NRG1: variants seen among roughly 807,000 people sequenced by gnomAD.
NRG1 encodes the protein neuregulin 1.
In NRG1, 18 loss-of-function variants were observed where a neutral mutation model predicts 63.8. The observed-to-expected ratio is 0.28, with a 90% CI of 0.19 to 0.42. The LOEUF (loss-of-function observed/expected upper bound fraction) is 0.42. NRG1 is among the 10% of genes least tolerant of loss of function. The pLI is 1.00. For missense variants in NRG1, 762 were observed against 814.7 expected (o/e 0.94, Z 0.79); for synonymous variants, 302 against 301.3 (o/e 1.00, Z -0.02).
At chr8:32,227,176 G>A (rs1383966) in intron 1 of NRG1, among the ~76,000 whole-genome samples, 2 of 152,026 alleles carry the variant, frequency 1.3e-5, no homozygotes, top group Non-Finnish European at 2.9e-5. Context: ...TCACAGGATT[G>A]TGCTTTCTTC....
intron 1 of NRG1, among the ~76,000 whole-genome samples, chr8:31,936,984 TA>T: frequency 6.6e-6 from 1 of 152,192 alleles, no homozygotes; most frequent in Non-Finnish European, 1.5e-5. Flanking sequence ...CTTTTAAAAG[TA>T]AAAAAAGCAT....
At chr8:31,762,949 A>G (rs73673306) in intron 1 of NRG1, among the ~76,000 whole-genome samples, 33,117 of 152,124 alleles carry the variant, frequency 0.22, 3,833 homozygotes, top group African/African-American at 0.29. Context: ...GTAATAAAAC[A>G]TTAGAAAATT....
chr8:31,661,608 C>A (rs909803357), intron 1 of NRG1, among the ~76,000 whole-genome samples: 1 of 152,152 alleles, frequency 6.6e-6, no homozygotes, highest in Non-Finnish European at 1.5e-5. Flanking sequence ...CAAATGCACT[C>A]TAAATAATTA....
chr8:31,680,076 T>A (rs1178353785), intron 1 of NRG1, among the ~76,000 whole-genome samples: 1 of 152,036 alleles, frequency 6.6e-6, no homozygotes, highest in Admixed American at 6.6e-5. Context: ...TAAATCATAG[T>A]TCTGAGTAGA....
chr8:32,702,253 C>T (rs552453717), intron 5 of NRG1, among the ~76,000 whole-genome samples: 1 of 152,302 alleles, frequency 6.6e-6, no homozygotes. Context: ...GGACATCACT[C>T]TCATGTATTT....
At chr8:32,671,620 C>A (rs1185724380) in intron 5 of NRG1, among the ~76,000 whole-genome samples, 2 of 152,052 alleles carry the variant, frequency 1.3e-5, no homozygotes, top group African/African-American at 4.8e-5. Flanking sequence ...TTTCTTCCAC[C>A]TTTTTCTTGT....
chr8:32,175,235 T>C (rs1318441984), intron 1 of NRG1, among the ~76,000 whole-genome samples: 2 of 152,118 alleles, frequency 1.3e-5, no homozygotes, highest in Non-Finnish European at 2.9e-5. Flanking sequence ...AAAAACCATA[T>C]TACTATCTCA....
intron 1 of NRG1, among the ~76,000 whole-genome samples, chr8:32,454,349 T>A (rs1051145708): frequency 1.3e-5 from 2 of 152,184 alleles, no homozygotes; most frequent in African/African-American, 4.8e-5. Flanking sequence ...AAAAACAGTA[T>A]AATAGGATTG....
intron 1 of NRG1, among the ~76,000 whole-genome samples, chr8:32,558,620 G>A (rs539258606): frequency 6.6e-6 from 1 of 152,168 alleles, no homozygotes; most frequent in Admixed American, 6.5e-5. Flanking sequence ...CTCTATGAAA[G>A]AGGCAACCAA....
chr8:32,179,187 TAAAA>T (rs35411561), intron 1 of NRG1, among the ~76,000 whole-genome samples: 23 of 66,512 alleles, frequency 3.5e-4, no homozygotes, highest in South Asian at 1.5e-3. Flanking sequence ...CTCACAGTCA[TAAAA>T]AAAAAAAAAA....
At chr8:32,389,921 A>G (rs1811511222) in intron 1 of NRG1, among the ~76,000 whole-genome samples, 1 of 151,908 alleles carries the variant, frequency 6.6e-6, no homozygotes, top group Admixed American at 6.6e-5. Flanking sequence ...CACCATGCCC[A>G]GCCAATTTTT....
chr8:32,364,633 C>T (rs1390507978), intron 1 of NRG1, among the ~76,000 whole-genome samples: 10 of 151,988 alleles, frequency 6.6e-5, no homozygotes, highest in Admixed American at 6.6e-4. Context: ...TGATAAACAT[C>T]CTTGTACTTG....
At chr8:31,850,520 A>C (rs1247905237) in intron 1 of NRG1, among the ~76,000 whole-genome samples, 4 of 152,162 alleles carry the variant, frequency 2.6e-5, no homozygotes, top group Non-Finnish European at 4.4e-5. Flanking sequence ...TGGCTACACA[A>C]ATGGATGTCT....
At chr8:31,698,905 G>A (rs755006541) in intron 1 of NRG1, among the ~76,000 whole-genome samples, 1 of 152,140 alleles carries the variant, frequency 6.6e-6, no homozygotes, top group Non-Finnish European at 1.5e-5. Flanking sequence ...AAAGATTTAT[G>A]AACACAAAAG....
chr8:32,164,865 A>C (rs899686962), intron 1 of NRG1, among the ~76,000 whole-genome samples: 4 of 152,108 alleles, frequency 2.6e-5, no homozygotes, highest in African/African-American at 9.7e-5. Context: ...TGTCTCTCAG[A>C]GGTTATTATA....
intron 1 of NRG1, among the ~76,000 whole-genome samples, chr8:31,866,639 T>G (rs1160392231): frequency 6.6e-6 from 1 of 152,136 alleles, no homozygotes; most frequent in East Asian, 1.9e-4. Context: ...ATTGTGTATA[T>G]TTTTGAACAT....
intron 2 of NRG1, among the ~76,000 whole-genome samples, chr8:32,597,631 T>G (rs957485550): frequency 6.6e-6 from 1 of 152,110 alleles, no homozygotes; most frequent in Non-Finnish European, 1.5e-5. Context: ...TTTTGCAGAT[T>G]AGGAAATTGA....
At chr8:32,554,544 C>G (rs1354338383) in intron 1 of NRG1, among the ~76,000 whole-genome samples, 1 of 152,184 alleles carries the variant, frequency 6.6e-6, no homozygotes, top group Non-Finnish European at 1.5e-5. Flanking sequence ...ATGTTCTCAT[C>G]TTTCTTCTAA....
chr8:32,724,952 A>T (rs557651356), intron 5 of NRG1, among the ~76,000 whole-genome samples: 1 of 152,180 alleles, frequency 6.6e-6, no homozygotes, highest in Non-Finnish European at 1.5e-5. Flanking sequence ...CATTACAAGG[A>T]TAATCATTTC....
Sources: allele counts gnomAD v4.1 joint callset (sites outside exome capture counted in the v4.1 genomes callset), GRCh38; gene constraint gnomAD v4.1.1; transcripts MANE v1.5; gene names NCBI Gene and HGNC (gene_info 2026-07-23, HGNC 2026-07-21).